Variants in PAG1 observed in about 807,000 individuals in gnomAD.
The protein encoded by PAG1 is phosphoprotein membrane anchor with glycosphingolipid microdomains 1.
A neutral mutation model predicts 31.7 loss-of-function variants in PAG1; 23 were observed. The observed-to-expected ratio is 0.73, with a 90% CI of 0.52 to 1.03. The LOEUF (loss-of-function observed/expected upper bound fraction) is 1.03. Ranked by LOEUF, PAG1 falls within the 50% of genes least tolerant of loss-of-function variation. The probability of loss-of-function intolerance (pLI) is 0.00; values close to 1 mark genes in which losing one functional copy is unlikely to be tolerated. For synonymous variants in PAG1, 214 were observed against 210.3 expected (o/e 1.02, Z -0.15); for missense variants, 473 against 540.7 (o/e 0.87, Z 1.24).
intron 2 of PAG1, among the ~76,000 whole-genome samples, chr8:81,038,118 G>A (rs369685205): frequency 6.6e-6 from 1 of 152,322 alleles, no homozygotes; most frequent in African/African-American, 2.4e-5. Flanking sequence ...GGGGTTATGG[G>A]GTTGGAGGGT....
chr8:80,989,177 G>A (rs1414298514), intron 5 of PAG1, among the ~76,000 whole-genome samples: 1 of 152,186 alleles, frequency 6.6e-6, no homozygotes, highest in East Asian at 1.9e-4. Context: ...GAAGTCAGCT[G>A]TTTCCATCCA....
chr8:81,003,865 C>T (rs16908315), intron 3 of PAG1, among the ~76,000 whole-genome samples: 31,015 of 151,948 alleles, frequency 0.2, 4,151 homozygotes, highest in African/African-American at 0.39. Context: ...CTTAGTAATT[C>T]AGAGGCAAAC....
intron 3 of PAG1, among the ~76,000 whole-genome samples, chr8:81,011,756 T>C (rs980596023): frequency 2.0e-5 from 3 of 152,216 alleles, no homozygotes; most frequent in Non-Finnish European, 2.9e-5. Flanking sequence ...AATATGCACA[T>C]GTTGGGATTT....
intron 8 of PAG1, among the ~76,000 whole-genome samples, chr8:80,978,433 A>T (rs1313610982): frequency 6.6e-6 from 1 of 152,216 alleles, no homozygotes; most frequent in Non-Finnish European, 1.5e-5. Context: ...ATGTGGACAG[A>T]TTATAAAAAG....
intron 1 of PAG1, among the ~76,000 whole-genome samples, chr8:81,082,329 T>C (rs1026321457): frequency 1.3e-4 from 19 of 149,142 alleles, no homozygotes; most frequent in Non-Finnish European, 2.4e-4. Context: ...TTTTACTACA[T>C]TAAAAAATAA....
At chr8:81,009,922 T>C (rs1807951406) in intron 3 of PAG1, among the ~76,000 whole-genome samples, 1 of 152,148 alleles carries the variant, frequency 6.6e-6, no homozygotes, top group South Asian at 2.1e-4. Context: ...GGCCAAACTT[T>C]TTACAATACA....
At chr8:81,020,006 C>T (rs1808135775) in intron 3 of PAG1, among the ~76,000 whole-genome samples, 1 of 152,148 alleles carries the variant, frequency 6.6e-6, no homozygotes, top group Middle Eastern at 3.2e-3. Flanking sequence ...GACATGGAGT[C>T]AAAGGTCATT....
At chr8:81,108,338 G>A (rs895086388) in intron 1 of PAG1, among the ~76,000 whole-genome samples, 2 of 152,216 alleles carry the variant, frequency 1.3e-5, no homozygotes, top group African/African-American at 2.4e-5. Flanking sequence ...CTCAGTCAAT[G>A]GCAGGGGCTC....
At chr8:81,094,012 T>C (rs1433961244) in intron 1 of PAG1, among the ~76,000 whole-genome samples, 1 of 152,148 alleles carries the variant, frequency 6.6e-6, no homozygotes, top group African/African-American at 2.4e-5. Flanking sequence ...CACCCTGCAG[T>C]CTGCTGTGGG....
At chr8:81,053,849 A>C (rs549705614) in intron 2 of PAG1, among the ~76,000 whole-genome samples, 92 of 152,286 alleles carry the variant, frequency 6.0e-4, no homozygotes, top group African/African-American at 2.1e-3. Context: ...AGATCTTATG[A>C]GAAAGGTTGA....
chr8:80,993,235 G>C lies in PAG1; in HGVS notation c.-8C>G. The C allele has an allele frequency of 6.3e-7, 1 of 1,598,770 alleles. No individual in the cohort carries two copies. Among genetic ancestry groups the C allele is most frequent in the Non-Finnish European group, 8.5e-7 (1 of 1,173,380 alleles). ...GCTCCCCGCGGGCCCCATGGCAGGAGCAGGCACTGGCACCAGCCGAGGGAA... is the reference window on the plus strand; with the variant it reads ...GCTCCCCGCGGGCCCCATGGCAGGACCAGGCACTGGCACCAGCCGAGGGAA... On this transcript the variant is annotated 5_prime_UTR_variant, in exon 4 of 9. Transcript: ENST00000220597.
chr8:81,012,890 G>A (rs978885163), intron 3 of PAG1, among the ~76,000 whole-genome samples: 1 of 152,184 alleles, frequency 6.6e-6, no homozygotes, highest in African/African-American at 2.4e-5. Context: ...AAGCCTCTAA[G>A]TCTACATACC....
In PAG1 at chr8:80,993,254, G is replaced by A. The variant is rs200730757; in HGVS notation, c.-27C>T. On this transcript the variant is annotated 5_prime_UTR_variant, in exon 4 of 9. Coordinates refer to ENST00000220597, the MANE Select transcript of PAG1 (RefSeq NM_018440.4). The stretch of plus-strand genomic sequence containing the variant: ...GCAGGAGCAGGCACTGGCACCAGCC[G>A]AGGGAATCAGTCAGTCCTTCAAAGG... 461 of 1,588,328 alleles carry A rather than the reference G, an allele frequency of 2.9e-4. 2 individuals are homozygous for A. Among genetic ancestry groups the A allele is most frequent in the Middle Eastern group, 2.8e-3 (16 of 5,800 alleles).
intron 6 of PAG1, among the ~76,000 whole-genome samples, chr8:80,985,649 A>G (rs542305140): frequency 3.9e-5 from 6 of 152,310 alleles, no homozygotes; most frequent in East Asian, 1.9e-4. Context: ...TGTCACTCCA[A>G]TGAGAGACTC....
At chr8:81,085,496 G>C (rs16908551) in intron 1 of PAG1, among the ~76,000 whole-genome samples, 12,347 of 152,182 alleles carry the variant, frequency 0.081, 1,660 homozygotes, top group African/African-American at 0.28. Context: ...AATAACAAGA[G>C]TCCATCCTGT....
chr8:80,991,226 G>C (rs191145146), intron 5 of PAG1, among the ~76,000 whole-genome samples: 1 of 152,150 alleles, frequency 6.6e-6, no homozygotes, highest in African/African-American at 2.4e-5. Context: ...CCCTGTTTGC[G>C]GTCCTTTGTT....
chr8:81,109,869 C>T (rs1000132234), intron 1 of PAG1, among the ~76,000 whole-genome samples: 1 of 152,180 alleles, frequency 6.6e-6, no homozygotes, highest in Non-Finnish European at 1.5e-5. Flanking sequence ...GGCAGCCTGG[C>T]TCCATAGCCT....
intron 2 of PAG1, among the ~76,000 whole-genome samples, chr8:81,030,490 T>C (rs770673837): frequency 6.6e-6 from 1 of 152,252 alleles, no homozygotes; most frequent in Non-Finnish European, 1.5e-5. Context: ...AGTGATTTAT[T>C]TGAAAAGAGC....
In PAG1 at chr8:81,009,227, T is replaced by G. The variant is rs912851450; in HGVS notation, c.-80-15920A>C. On this transcript the variant is annotated intron_variant, in intron 3 of 8. Coordinates refer to ENST00000220597, the MANE Select transcript of PAG1 (RefSeq NM_018440.4). Reference sequence around the variant, plus strand: ...TTTATTTCATATGTTTTAAAAAACCTTATGTGTCTTTATTATAACAACTTC... The same window carrying G: ...TTTATTTCATATGTTTTAAAAAACCGTATGTGTCTTTATTATAACAACTTC... Among the ~76,000 whole-genome samples, 25 of 152,316 alleles carry G rather than the reference T, an allele frequency of 1.6e-4. 1 individual carries two copies. The highest frequency in any genetic ancestry group is 3.2e-4 in the Non-Finnish European group (22 of 68,030).
Sources: gnomAD v4.1 joint callset for allele counts (sites outside exome capture counted in the v4.1 genomes callset) on GRCh38, gnomAD v4.1.1 for gene constraint, MANE v1.5 for transcripts, NCBI Gene and HGNC (gene_info 2026-07-23, HGNC 2026-07-21) for gene names.